ARHGAP24: variants seen among roughly 807,000 people sequenced by gnomAD.
The protein encoded by ARHGAP24 is Rho GTPase activating protein 24, also known as rho GTPase-activating protein 24.
A neutral mutation model predicts 76.4 loss-of-function variants in ARHGAP24; 50 were observed. The ratio of observed to expected loss-of-function variants is 0.65; its 90% CI spans 0.52 to 0.83. The LOEUF is 0.83. Ranked by LOEUF, ARHGAP24 falls within the 40% of genes least tolerant of loss-of-function variation. ARHGAP24 has a pLI of 0.00. For synonymous variants in ARHGAP24, 345 were observed against 323.3 expected (o/e 1.07, Z -0.72); for missense variants, 930 against 914.2 (o/e 1.02, Z -0.22).
intron 2 of ARHGAP24, among the ~76,000 whole-genome samples, chr4:85,578,193 A>T (rs1264756820): frequency 6.6e-6 from 1 of 152,202 alleles, no homozygotes; most frequent in East Asian, 1.9e-4. Flanking sequence ...TGACTATTTT[A>T]TATTATTATC....
chr4:85,790,170 C>G (rs1293941441), intron 3 of ARHGAP24, among the ~76,000 whole-genome samples: 1 of 152,084 alleles, frequency 6.6e-6, no homozygotes, highest in Non-Finnish European at 1.5e-5. Flanking sequence ...GGTCCATGGA[C>G]CACACTTTGG....
At chr4:85,977,490 T>C in intron 7 of ARHGAP24, 80 bp from the exon 8 acceptor site, 12 of 1,502,910 alleles carry the variant, frequency 8.0e-6, no homozygotes, top group Non-Finnish European at 1.1e-5. Flanking sequence ...CTTTAGTTTG[T>C]AAATTTTCTA....
chr4:85,825,418 T>C (rs1034828819), intron 3 of ARHGAP24, among the ~76,000 whole-genome samples: 2 of 152,230 alleles, frequency 1.3e-5, no homozygotes, highest in African/African-American at 4.8e-5. Flanking sequence ...TTATGGCTAC[T>C]GTACTATATT....
At chr4:85,721,488 C>T (rs1349159548) in intron 2 of ARHGAP24, among the ~76,000 whole-genome samples, 2 of 151,710 alleles carry the variant, frequency 1.3e-5, no homozygotes, top group Non-Finnish European at 2.9e-5. Context: ...CTTATCACAA[C>T]TATGTCTAAG....
chr4:85,641,787 A>G (rs911362084), intron 2 of ARHGAP24, among the ~76,000 whole-genome samples: 1 of 152,164 alleles, frequency 6.6e-6, no homozygotes, highest in Admixed American at 6.6e-5. Flanking sequence ...TATGGGGGAA[A>G]GGGTATGAAG....
intron 6 of ARHGAP24, among the ~76,000 whole-genome samples, chr4:85,972,995 G>A (rs746060376): frequency 1.6e-4 from 25 of 151,722 alleles, no homozygotes; most frequent in African/African-American, 5.6e-4. Flanking sequence ...TCATTATTTG[G>A]CTATTATAAA....
intron 5 of ARHGAP24, among the ~76,000 whole-genome samples, chr4:85,960,219 A>G (rs1017836301): frequency 1.3e-5 from 2 of 152,190 alleles, no homozygotes; most frequent in Non-Finnish European, 2.9e-5. Context: ...GAACAGATAA[A>G]AAGTTTTAAA....
At chr4:85,738,637 T>C (rs890159106) in intron 3 of ARHGAP24, among the ~76,000 whole-genome samples, 2 of 152,140 alleles carry the variant, frequency 1.3e-5, no homozygotes, top group African/African-American at 4.8e-5. Context: ...TAAATCAAGA[T>C]CATGAAAGTT....
At chr4:85,769,951 C>T (rs1479603411) in intron 3 of ARHGAP24, among the ~76,000 whole-genome samples, 1 of 152,120 alleles carries the variant, frequency 6.6e-6, no homozygotes, top group East Asian at 1.9e-4. Flanking sequence ...TTAAATTTTA[C>T]ATGATATACT....
chr4:85,965,828 A>G (rs1290446222), intron 5 of ARHGAP24, among the ~76,000 whole-genome samples: 2 of 152,176 alleles, frequency 1.3e-5, no homozygotes, highest in African/African-American at 4.8e-5. Flanking sequence ...GTGTTTCCAT[A>G]AATTCACATT....
chr4:85,588,221 T>C (rs1212154976), intron 2 of ARHGAP24, among the ~76,000 whole-genome samples: 6 of 152,236 alleles, frequency 3.9e-5, no homozygotes, highest in African/African-American at 1.4e-4. Context: ...ATGCTATGCA[T>C]GCACATGATT....
rs533321943 is a variant in ARHGAP24 at position 85,750,870 on chromosome 4, G to A, written c.268+28898G>A. On this transcript the variant is annotated intron_variant, in intron 3 of 9. Coordinates refer to ENST00000395184, the MANE Select transcript of ARHGAP24 (RefSeq NM_001025616.3). ...TGTTCCTCTTCCCTGTTTCACTGCG[G>A]GGCAGAAGTCTCAGAGATCTCTCTT... Among the ~76,000 whole-genome samples the A allele has an allele frequency of 2.7e-4, 41 of 152,244 alleles. 1 individual carries two copies. Among genetic ancestry groups the A allele is most frequent in the African/African-American group, 9.1e-4 (38 of 41,534 alleles).
At chr4:85,634,308 C>G (rs1485817630) in intron 2 of ARHGAP24, among the ~76,000 whole-genome samples, 1 of 151,734 alleles carries the variant, frequency 6.6e-6, no homozygotes, top group East Asian at 1.9e-4. Flanking sequence ...ACTAATATTC[C>G]TTAAATACTC....
At chr4:85,992,879 TTAA>T (rs1330206511) in intron 8 of ARHGAP24, among the ~76,000 whole-genome samples, 9 of 152,182 alleles carry the variant, frequency 5.9e-5, no homozygotes, top group Non-Finnish European at 7.3e-5. Context: ...AACTTTATCT[TTAA>T]AACTATCCCA....
At chr4:85,899,748 G>T (rs773272907) in intron 3 of ARHGAP24, among the ~76,000 whole-genome samples, 2 of 152,140 alleles carry the variant, frequency 1.3e-5, no homozygotes, top group Non-Finnish European at 2.9e-5. Flanking sequence ...TTATGTAATA[G>T]CATTTAAAAG....
chr4:85,528,690 G>A (rs1017696835), intron 1 of ARHGAP24, among the ~76,000 whole-genome samples: 8 of 152,006 alleles, frequency 5.3e-5, no homozygotes, highest in African/African-American at 1.9e-4. Flanking sequence ...GTTAAGTAAA[G>A]TTCAAACAGA....
chr4:85,844,678 A>G lies in ARHGAP24; in HGVS notation c.269-78970A>G, dbSNP rs1420529645. On this transcript the variant is annotated intron_variant, in intron 3 of 9. Coordinates refer to ENST00000395184, the MANE Select transcript of ARHGAP24 (RefSeq NM_001025616.3). ...TTGGATGTGTCCCGTATAAATTGCA[A>G]TGGGAGTTGTACTTAGTTTTAAATA... 3.9e-5 allele frequency among the ~76,000 whole-genome samples: 6 copies of G among 152,220 alleles called. 1 individual carries two copies. Among genetic ancestry groups the G allele is most frequent in the Non-Finnish European group, 7.3e-5 (5 of 68,030 alleles).
intron 1 of ARHGAP24, among the ~76,000 whole-genome samples, chr4:85,524,646 A>G (rs1724912354): frequency 6.6e-6 from 1 of 152,174 alleles, no homozygotes; most frequent in African/African-American, 2.4e-5. Flanking sequence ...AAATCCAAAT[A>G]TGGCTTAGTC....
At chr4:85,726,324 A>T (rs979466367) in intron 3 of ARHGAP24, among the ~76,000 whole-genome samples, 1 of 152,170 alleles carries the variant, frequency 6.6e-6, no homozygotes, top group Non-Finnish European at 1.5e-5. Flanking sequence ...ATTGGATTCC[A>T]GGAAACACGC....
Sources: allele counts gnomAD v4.1 joint callset (sites outside exome capture counted in the v4.1 genomes callset), GRCh38; gene constraint gnomAD v4.1.1; transcripts MANE v1.5; gene names NCBI Gene and HGNC (gene_info 2026-07-23, HGNC 2026-07-21).